Variants in FOXP2 observed in about 807,000 individuals in gnomAD.
The protein encoded by FOXP2 is forkhead box P2.
Under a neutral mutation model 115.8 loss-of-function variants are expected in FOXP2, and 12 were observed. That is an observed-to-expected ratio of 0.10 (90% CI 0.07 to 0.17). The LOEUF is 0.17. Among genes scored for constraint, FOXP2 ranks in the 10% least tolerant of loss-of-function variants. The probability of loss-of-function intolerance (pLI) is 1.00; values close to 1 mark genes in which losing one functional copy is unlikely to be tolerated. For missense variants in FOXP2, 629 were observed against 843.5 expected (o/e 0.75, Z 3.15); for synonymous variants, 328 against 297.7 (o/e 1.10, Z -1.05).
At chr7:114,654,108 T>C (rs1806440621) in intron 10 of FOXP2, 99 bp downstream of exon 10, 1 of 1,596,770 alleles carries the variant, frequency 6.3e-7, no homozygotes, top group African/African-American at 1.3e-5. Flanking sequence ...ATGAGTGTGA[T>C]GAAAAATACG....
chr7:114,299,776 T>G (rs1407258439), intron 2 of FOXP2, among the ~76,000 whole-genome samples: 1 of 152,014 alleles, frequency 6.6e-6, no homozygotes, highest in Non-Finnish European at 1.5e-5. Context: ...AGGGTGGGTT[T>G]AGGGAAGAGG....
chr7:114,355,303 A>C (rs1026798942), intron 2 of FOXP2, among the ~76,000 whole-genome samples: 3 of 152,130 alleles, frequency 2.0e-5, no homozygotes, highest in African/African-American at 4.8e-5. Flanking sequence ...AATGAGATCA[A>C]ACTTGGCTCT....
intron 16 of FOXP2, among the ~76,000 whole-genome samples, chr7:114,678,412 G>A (rs1807889669): frequency 6.6e-6 from 1 of 152,044 alleles, no homozygotes; most frequent in African/African-American, 2.4e-5. Flanking sequence ...CCAAGCTGCT[G>A]ATATGTAGGG....
chr7:114,610,186 A>G lies in FOXP2; in HGVS notation c.259-18354A>G, dbSNP rs541318865. 2.1e-4 allele frequency among the ~76,000 whole-genome samples: 32 copies of G among 152,376 alleles called. No homozygotes were observed. The South Asian group carries it at 4.8e-3, about 23-fold the overall frequency. ...TTCAATTATTCATAGTTAACATGCT[A>G]TGGTAACTAAAATTTGAACTGTGTT... On this transcript the variant is annotated intron_variant, in intron 3 of 16. Coordinates refer to ENST00000350908, the MANE Select transcript of FOXP2 (RefSeq NM_014491.4).
intron 1 of FOXP2, among the ~76,000 whole-genome samples, chr7:114,183,051 G>T (rs1000941687): frequency 1.3e-5 from 2 of 152,058 alleles, no homozygotes; most frequent in African/African-American, 4.8e-5. Flanking sequence ...TTGCCTGCAG[G>T]GATCATCAGA....
chr7:114,577,351 A>C (rs951697088), intron 3 of FOXP2, among the ~76,000 whole-genome samples: 5 of 151,260 alleles, frequency 3.3e-5, no homozygotes, highest in African/African-American at 1.2e-4. Context: ...CAGAAAGCCT[A>C]CTATCACCGG....
At position 114,155,571 on chromosome 7, in the gene FOXP2, G is replaced by T. The variant is rs568913991; in HGVS notation, c.-246-7373G>T. ...CAGGTCTTTTCCCTGATGCAGGAGA[G>T]AATTAGCAAGGAATCTGGCACCATT... On this transcript the variant is annotated intron_variant, in intron 1 of 19. Coordinates refer to the FOXP2 transcript ENST00000635638. Among the ~76,000 whole-genome samples the T allele has an allele frequency of 7.2e-5, 11 of 152,274 alleles. No homozygotes were observed. The South Asian group carries it at 2.3e-3, about 32-fold the overall frequency.
chr7:114,147,569 C>T lies in FOXP2; in HGVS notation c.-246-15375C>T, dbSNP rs142185952. Among the ~76,000 whole-genome samples, 1,009 of 152,236 alleles carry T rather than the reference C, an allele frequency of 6.6e-3. 6 individuals are homozygous for T. The highest frequency in any genetic ancestry group is 0.023 in the African/African-American group (965 of 41,548). ...AAGGCTCCTCCAAACCCTGTTGTGT[C>T]TGCCACAAGTCCATGTTTATATTTG... On this transcript the variant is annotated intron_variant, in intron 1 of 19. Coordinates refer to the FOXP2 transcript ENST00000635638.
chr7:114,423,796 G>A (rs576854880), intron 1 of FOXP2, among the ~76,000 whole-genome samples: 2 of 151,672 alleles, frequency 1.3e-5, no homozygotes, highest in South Asian at 4.1e-4. Context: ...GAGAAACTTA[G>A]TAAATGCTAG....
chr7:114,289,006 C>A (rs1286075256), intron 2 of FOXP2, among the ~76,000 whole-genome samples: 1 of 151,752 alleles, frequency 6.6e-6, no homozygotes, highest in Non-Finnish European at 1.5e-5. Context: ...CACTTTCTAC[C>A]TAAATTTCTC....
chr7:114,326,935 C>G (rs1238815129), intron 2 of FOXP2, among the ~76,000 whole-genome samples: 1 of 152,046 alleles, frequency 6.6e-6, no homozygotes, highest in Non-Finnish European at 1.5e-5. Flanking sequence ...TTCAAATGAC[C>G]TACATTTATT....
chr7:114,606,757 G>T (rs1803354867), intron 3 of FOXP2, among the ~76,000 whole-genome samples: 1 of 152,182 alleles, frequency 6.6e-6, no homozygotes, highest in Non-Finnish European at 1.5e-5. Flanking sequence ...TTTGGGAACA[G>T]TATACCTAGA....
chr7:114,247,183 T>A (rs1795305718), intron 1 of FOXP2, among the ~76,000 whole-genome samples: 1 of 152,216 alleles, frequency 6.6e-6, no homozygotes, highest in African/African-American at 2.4e-5. Context: ...TATATCTTCC[T>A]TATGTAGTGT....
chr7:114,653,473 G>T, intron 9 of FOXP2: 1 of 242,586 alleles, frequency 4.1e-6, no homozygotes, highest in Non-Finnish European at 8.3e-6. Flanking sequence ...CAGATTGCAG[G>T]GGGCACTAAC....
chr7:114,567,365 A>T (rs1489431230), intron 3 of FOXP2, among the ~76,000 whole-genome samples: 2 of 152,104 alleles, frequency 1.3e-5, no homozygotes, highest in African/African-American at 4.8e-5. Flanking sequence ...AGGAGAAGCT[A>T]AGTATTTTGC....
chr7:114,567,954 A>C (rs1422673314), intron 3 of FOXP2, among the ~76,000 whole-genome samples: 2 of 152,122 alleles, frequency 1.3e-5, no homozygotes, highest in Admixed American at 6.6e-5. Flanking sequence ...ACATACTTTC[A>C]GTTGCAGAAA....
intron 1 of FOXP2, among the ~76,000 whole-genome samples, chr7:114,104,645 A>G (rs749467595): frequency 6.6e-6 from 1 of 152,050 alleles, no homozygotes; most frequent in Non-Finnish European, 1.5e-5. Context: ...TTAACTAGTT[A>G]TTAATTTACA....
chr7:114,200,941 G>A (rs980522306), intron 1 of FOXP2, among the ~76,000 whole-genome samples: 3 of 152,064 alleles, frequency 2.0e-5, no homozygotes, highest in Admixed American at 6.5e-5. Context: ...GATCACCTGA[G>A]GTCAGGTGTT....
chr7:114,285,185 A>C (rs1376298628), intron 1 of FOXP2, among the ~76,000 whole-genome samples: 1 of 152,122 alleles, frequency 6.6e-6, no homozygotes, highest in African/African-American at 2.4e-5. Context: ...TAAATAATAA[A>C]ATTAGTTTTT....
Sources: allele counts gnomAD v4.1 joint callset (sites outside exome capture counted in the v4.1 genomes callset), GRCh38; gene constraint gnomAD v4.1.1; transcripts MANE v1.5; gene names NCBI Gene and HGNC (gene_info 2026-07-23, HGNC 2026-07-21).